USO1: variants seen among roughly 807,000 people sequenced by gnomAD.
USO1 encodes the protein USO1 vesicle transport factor, also known as general vesicular transport factor p115.
In USO1, 57 loss-of-function variants were observed where a neutral mutation model predicts 124.5. That is an observed-to-expected ratio of 0.46 (90% confidence interval 0.37 to 0.57). USO1 has a LOEUF of 0.57. Ranked by LOEUF, USO1 falls within the 20% of genes least tolerant of loss-of-function variation. USO1 has a pLI of 0.00. For synonymous variants in USO1, 369 were observed against 362.8 expected, an observed-to-expected ratio of 1.02 and a Z score of -0.19; for missense variants, 900 against 1,040.6, an observed-to-expected ratio of 0.86 and a Z score of 1.86.
intron 8 of USO1, among the ~76,000 whole-genome samples, chr4:75,781,156 A>C (rs543830675): frequency 2.6e-5 from 4 of 152,178 alleles, no homozygotes; most frequent in African/African-American, 9.6e-5. Flanking sequence ...GATTCCGGCA[A>C]CCCTCATGGA....
chr4:75,755,352 C>G (rs1721409758), intron 3 of USO1: 1 of 454,932 alleles, frequency 2.2e-6, no homozygotes, highest in Non-Finnish European at 4.4e-6. Flanking sequence ...TTCCTCCAGT[C>G]TCTTTGTATT....
rs535352941 is a variant in USO1 at position 75,754,606 on chromosome 4, G to A, written c.218+2002G>A. ...CTTCTAGGCTTTCCATGCCCCCTTCGACCACTTTTACCCTAAGTTCATCTC... is the reference window on the plus strand; with the variant it reads ...CTTCTAGGCTTTCCATGCCCCCTTCAACCACTTTTACCCTAAGTTCATCTC... On this transcript the variant is annotated intron_variant, in intron 3 of 23. Coordinates refer to ENST00000514213, the MANE Select transcript of USO1 (RefSeq NM_003715.4). 1.1e-4 allele frequency among the ~76,000 whole-genome samples: 16 copies of A among 152,042 alleles called. No homozygotes were observed. In the South Asian group the frequency reaches 2.3e-3, roughly 22 times the overall value.
chr4:75,799,535 C>A, intron 13 of USO1, 87 bp from the exon 14 acceptor site: 1 of 1,448,312 alleles, frequency 6.9e-7, no homozygotes, highest in South Asian at 1.3e-5. Flanking sequence ...AAGTTCTTTT[C>A]ATGCAAATGG....
Position 75,801,128 on chromosome 4 carries a change from A to T in USO1, c.1914A>T (p.Glu638Asp), listed in dbSNP as rs1171623656. Reference sequence around the variant, plus strand: ...AGTCCAGTGAAGAAGATAAAAAAGAAGAAGAGGTGAAAAAAACATTAGAAC... The same window carrying T: ...AGTCCAGTGAAGAAGATAAAAAAGATGAAGAGGTGAAAAAAACATTAGAAC... ...IYKSSEEDKK[E>D]EEVKKTLEQH... is the part of the protein sequence containing the mutation. The change falls in exon 17 of 24, where the codon GAA becomes GAT. Residue 638 changes from glutamate (E) to aspartate (D), a missense_variant. By Grantham distance (45) the Glu-to-Asp change is conservative. Around this residue, in one of 2 missense-constraint regions of USO1, gnomAD observed 362 missense variants for 359.0 expected, o/e 1.01. Coordinates refer to ENST00000514213, the MANE Select transcript of USO1 (RefSeq NM_003715.4). 1 of 1,607,528 alleles carries T rather than the reference A, an allele frequency of 6.2e-7. No individual in the cohort carries two copies.
At chr4:75,800,265 T>C in intron 14 of USO1, 86 bp from the exon 15 acceptor site, 1 of 1,427,034 alleles carries the variant, frequency 7.0e-7, no homozygotes. Flanking sequence ...TGGGAACTCT[T>C]ATGTGAAGTA....
chr4:75,724,993 A>ATGTGGATCCCCCC, intron 1 of USO1, 108 bp downstream of exon 1: 1 of 1,139,652 alleles, frequency 8.8e-7, no homozygotes, highest in Non-Finnish European at 1.3e-6. Flanking sequence ...TGGAGGGGGC[A>ATGTGGATCCCCCC]TCCACATGCC....
intron 13 of USO1, among the ~76,000 whole-genome samples, chr4:75,797,605 A>T (rs995427995): frequency 1.5e-4 from 22 of 148,812 alleles, no homozygotes; most frequent in Admixed American, 3.3e-4. Context: ...TTTGAATCAC[A>T]TTAATTTTAT....
chr4:75,737,547 G>GA (rs11438230), intron 1 of USO1, among the ~76,000 whole-genome samples: 137,375 of 152,150 alleles, frequency 0.9, 62,170 homozygotes, highest in African/African-American at 0.97. Flanking sequence ...ATACAAATTT[G>GA]AGCTGAGCTC....
In USO1 at chr4:75,799,699, G is replaced by A. The variant is rs751330523; in HGVS notation, c.1530G>A (p.Thr510=). Residue 510 remains threonine, a synonymous_variant, in exon 14 of 24, where the codon ACG becomes ACA. Coordinates refer to ENST00000514213, the MANE Select transcript of USO1 (RefSeq NM_003715.4). ...TWLSNCPIAV[T]HFLHNSANVP... ...TAAGCAATTGTCCCATTGCAGTAAC[G>A]CATTTTCTTCACAATTCAGCCAATG... 1.2e-6 allele frequency: 2 copies of A among 1,613,618 alleles called. No individual in the cohort carries two copies. Among genetic ancestry groups the A allele is most frequent in the East Asian group, 2.2e-5 (1 of 44,804 alleles).
At chr4:75,767,679 A>C (rs530664647) in intron 4 of USO1, 1 of 271,546 alleles carries the variant, frequency 3.7e-6, no homozygotes, top group South Asian at 3.2e-5. Context: ...GAGATCATCC[A>C]TTTTGAGTTA....
At chr4:75,750,937 C>G (rs1338388966) in intron 1 of USO1, among the ~76,000 whole-genome samples, 1 of 152,042 alleles carries the variant, frequency 6.6e-6, no homozygotes, top group Non-Finnish European at 1.5e-5. Flanking sequence ...GATACTTTTG[C>G]TTTACTGAAT....
intron 4 of USO1, among the ~76,000 whole-genome samples, chr4:75,763,093 A>G (rs903326430): frequency 5.9e-5 from 9 of 152,222 alleles, no homozygotes; most frequent in Admixed American, 1.3e-4. Flanking sequence ...CTTAGTATAG[A>G]ATAGAATTCC....
intron 13 of USO1, chr4:75,795,203 A>G: frequency 1.6e-6 from 1 of 623,270 alleles, no homozygotes; most frequent in Non-Finnish European, 2.8e-6. Context: ...AAGTATCATT[A>G]GAACCATCCT....
intron 17 of USO1, among the ~76,000 whole-genome samples, chr4:75,801,529 T>G (rs1280642591): frequency 6.6e-6 from 1 of 152,216 alleles, no homozygotes; most frequent in Admixed American, 6.5e-5. Context: ...CAAAATGTTT[T>G]CTTGACTTTT....
chr4:75,762,298 G>A (rs1211404519), intron 4 of USO1, among the ~76,000 whole-genome samples: 2 of 147,072 alleles, frequency 1.4e-5, no homozygotes, highest in Non-Finnish European at 3.0e-5. Flanking sequence ...AGCCTCCCAA[G>A]TAGCTGGGAT....
chr4:75,748,748 A>T (rs981343214), intron 1 of USO1, among the ~76,000 whole-genome samples: 1 of 152,110 alleles, frequency 6.6e-6, no homozygotes, highest in Non-Finnish European at 1.5e-5. Flanking sequence ...GAAGCAGAAA[A>T]CGCCTGGAAA....
intron 19 of USO1, 25 bp downstream of exon 19, chr4:75,805,328 A>C: frequency 6.5e-7 from 1 of 1,546,854 alleles, no homozygotes; most frequent in South Asian, 1.3e-5. Context: ...TAAGAAGTTA[A>C]AATAAGAGTT....
intron 10 of USO1, 120 bp downstream of exon 10, chr4:75,787,322 T>G: frequency 2.4e-6 from 3 of 1,244,032 alleles, no homozygotes; most frequent in Non-Finnish European, 3.1e-6. Context: ...TTAAAATTTT[T>G]AATGATCTTA....
chr4:75,756,986 GAC>G (rs1202047924), intron 3 of USO1, among the ~76,000 whole-genome samples: 9 of 151,410 alleles, frequency 5.9e-5, no homozygotes, highest in African/African-American at 1.2e-4. Context: ...AACATACACA[GAC>G]ACACATAAAA....
Sources: allele counts gnomAD v4.1 joint callset (sites outside exome capture counted in the v4.1 genomes callset), GRCh38; gene constraint gnomAD v4.1.1; regional missense constraint gnomAD v4.1.1; transcripts MANE v1.5; gene names NCBI Gene and HGNC (gene_info 2026-07-23, HGNC 2026-07-21).